The following CSMD1 variants were observed in gnomAD, a reference collection of about 807,000 sequenced individuals.
CSMD1 encodes the protein CUB and sushi domain-containing protein 1.
Under a neutral mutation model 417.5 loss-of-function variants are expected in CSMD1, and 213 were observed. The observed-to-expected ratio is 0.51, with a 90% CI of 0.46 to 0.57. CSMD1 has a LOEUF of 0.57. Among genes scored for constraint, CSMD1 ranks in the 20% least tolerant of loss-of-function variants. The pLI is 0.00. For missense variants in CSMD1, 6,923 were observed against 4,529.7 expected, an observed-to-expected ratio of 1.53 and a Z score of -15.17; for synonymous variants, 2,862 against 1,736.8, an observed-to-expected ratio of 1.65 and a Z score of -16.11.
At chr8:3,356,084 T>A (rs1273388493) in intron 21 of CSMD1, among the ~76,000 whole-genome samples, 2 of 152,222 alleles carry the variant, frequency 1.3e-5, no homozygotes, top group African/African-American at 4.8e-5. Context: ...TCACTAGAAA[T>A]TCCATTTAAG....
At chr8:3,590,525 G>C (rs1271037097) in intron 8 of CSMD1, among the ~76,000 whole-genome samples, 1 of 152,142 alleles carries the variant, frequency 6.6e-6, no homozygotes. Context: ...TCACAAGCTA[G>C]TCCAGAAATC....
intron 1 of CSMD1, chr8:4,787,237 C>A: frequency 5.9e-6 from 3 of 509,568 alleles, no homozygotes; most frequent in Non-Finnish European, 1.1e-5. Context: ...GGCCGCGCCT[C>A]CTTCCCCGCC....
chr8:3,809,590 G>A (rs986465078), intron 5 of CSMD1, among the ~76,000 whole-genome samples: 3 of 152,096 alleles, frequency 2.0e-5, no homozygotes, highest in African/African-American at 7.2e-5. Flanking sequence ...GTAGATAGTT[G>A]GCCCCACCTG....
intron 65 of CSMD1, among the ~76,000 whole-genome samples, chr8:2,952,516 A>C (rs957568115): frequency 6.6e-6 from 1 of 152,182 alleles, no homozygotes; most frequent in Non-Finnish European, 1.5e-5. Context: ...TAAAATAAGT[A>C]AAAAACTCAT....
intron 2 of CSMD1, among the ~76,000 whole-genome samples, chr8:4,450,238 G>T (rs1477242931): frequency 1.3e-5 from 2 of 152,200 alleles, no homozygotes; most frequent in African/African-American, 4.8e-5. Context: ...TAAGATGAAA[G>T]CAAAGAGACA....
chr8:3,877,626 C>A (rs1274858541), intron 5 of CSMD1, among the ~76,000 whole-genome samples: 2 of 152,178 alleles, frequency 1.3e-5, no homozygotes, highest in South Asian at 2.1e-4. Flanking sequence ...CTGCCCAGTT[C>A]ATCTACTCCT....
Position 4,866,325 on chromosome 8 carries a change from A to C in CSMD1, c.85+128007T>G, listed in dbSNP as rs974714451. On this transcript the variant is annotated intron_variant, in intron 1 of 69. Transcript: ENST00000635120. ...TATCTAGTGATCTATTGACTTCTCC[A>C]GAGATTTCTTTACAAACTGACAACC... 4.6e-5 allele frequency among the ~76,000 whole-genome samples: 7 copies of C among 152,010 alleles called. 1 individual carries two copies. The highest frequency in any genetic ancestry group is 1.7e-4 in the African/African-American group (7 of 41,392).
At chr8:3,986,307 C>G (rs1021306895) in intron 5 of CSMD1, among the ~76,000 whole-genome samples, 6 of 152,164 alleles carry the variant, frequency 3.9e-5, no homozygotes, top group Admixed American at 1.3e-4. Context: ...TTTCTAAAAG[C>G]TCAGTGAAAA....
intron 20 of CSMD1, among the ~76,000 whole-genome samples, chr8:3,363,758 G>C (rs1414090483): frequency 1.3e-5 from 2 of 152,152 alleles, no homozygotes; most frequent in African/African-American, 2.4e-5. Context: ...TGAAGAGAAT[G>C]ACTGAGAAAT....
chr8:3,086,170 A>C (rs1174226493), intron 49 of CSMD1, among the ~76,000 whole-genome samples: 1 of 151,700 alleles, frequency 6.6e-6, no homozygotes, highest in Admixed American at 6.6e-5. Flanking sequence ...ATCTTCTTCT[A>C]AAAGAAAAAG....
chr8:4,662,361 T>C (rs1372690823), intron 1 of CSMD1, among the ~76,000 whole-genome samples: 5 of 152,186 alleles, frequency 3.3e-5, no homozygotes, highest in East Asian at 1.9e-4. Flanking sequence ...TATAGGAACA[T>C]GCATTGTTCC....
chr8:4,398,935 A>G (rs746477298), intron 3 of CSMD1, among the ~76,000 whole-genome samples: 1 of 152,198 alleles, frequency 6.6e-6, no homozygotes, highest in South Asian at 2.1e-4. Flanking sequence ...ATGCTCCAGA[A>G]TATATTCTTG....
chr8:4,692,681 T>C (rs763841834), intron 1 of CSMD1, among the ~76,000 whole-genome samples: 3 of 152,184 alleles, frequency 2.0e-5, no homozygotes, highest in Admixed American at 6.5e-5. Flanking sequence ...ATGGTCACCA[T>C]TTTATAACTG....
chr8:4,840,624 C>T (rs1800787097), intron 1 of CSMD1, among the ~76,000 whole-genome samples: 1 of 152,108 alleles, frequency 6.6e-6, no homozygotes, highest in African/African-American at 2.4e-5. Context: ...AATTACATTA[C>T]CGAATGAGCA....
chr8:4,426,251 A>G (rs893559381), intron 2 of CSMD1, among the ~76,000 whole-genome samples: 3 of 151,940 alleles, frequency 2.0e-5, no homozygotes, highest in Non-Finnish European at 2.9e-5. Flanking sequence ...AAAATAACTT[A>G]TTTTTTATAA....
At chr8:3,470,577 G>A (rs879263247) in intron 11 of CSMD1, among the ~76,000 whole-genome samples, 2 of 152,058 alleles carry the variant, frequency 1.3e-5, no homozygotes, top group Non-Finnish European at 2.9e-5. Flanking sequence ...TACGTCACAT[G>A]TCTCGGCTCC....
At position 3,616,792 on chromosome 8, in the gene CSMD1, G is replaced by T; in HGVS notation, c.1015C>A (p.Gln339Lys). 3 of 1,608,578 alleles carry T rather than the reference G, an allele frequency of 1.9e-6. No homozygotes were observed. The highest frequency in any genetic ancestry group is 1.7e-5 in the Admixed American group (1 of 59,744). ...TCAGAGACCAATGCAACACCTCCTT[G>T]GCTCACTGTAATAGACAGAAACATT... ...DGSHKNSVLS[Q>K]GGVALVSDMC... The change falls in exon 8 of 70, where the codon CAA (glutamine) becomes AAA (lysine). Residue 339 changes from glutamine to lysine, a missense_variant. Physicochemically the swap from Gln to Lys is moderately conservative, Grantham distance 53 (BLOSUM62 1). Coordinates refer to ENST00000635120, the MANE Select transcript of CSMD1 (RefSeq NM_033225.6).
At chr8:3,250,817 T>C (rs568692924) in intron 26 of CSMD1, among the ~76,000 whole-genome samples, 78 of 152,356 alleles carry the variant, frequency 5.1e-4, no homozygotes, top group African/African-American at 1.8e-3. Flanking sequence ...TGGCCAGTGA[T>C]GATGAGCATT....
intron 45 of CSMD1, 31 bp from the exon 46 acceptor site, chr8:3,106,672 T>C (rs373781539): frequency 3.8e-5 from 53 of 1,406,278 alleles, no homozygotes; most frequent in Admixed American, 7.0e-5. Context: ...AACCAGGAAA[T>C]TGTGTGTGAC....
Sources: gnomAD v4.1 joint callset for allele counts (sites outside exome capture counted in the v4.1 genomes callset) on GRCh38, gnomAD v4.1.1 for gene constraint, MANE v1.5 for transcripts, NCBI Gene and HGNC (gene_info 2026-07-23, HGNC 2026-07-21) for gene names.